Variants in MPND observed in about 807,000 individuals in gnomAD.
The protein encoded by MPND is MPN domain containing, also known as MPN domain-containing protein.
Under a neutral mutation model 59.2 loss-of-function variants are expected in MPND, and 56 were observed. That is an observed-to-expected ratio of 0.95 (90% confidence interval 0.76 to 1.18). MPND has a LOEUF of 1.18. Ranked by LOEUF, MPND falls within the 50% of genes most tolerant of loss-of-function variation. MPND has a pLI of 0.00. For missense variants in MPND, 671 were observed against 676.0 expected (o/e 0.99, Z 0.08); for synonymous variants, 323 against 291.9 (o/e 1.11, Z -1.09).
In MPND at chr19:4,348,897, T is replaced by C. The variant is rs142136634; in HGVS notation, c.531+2916T>C. 1,469 of 184,298 alleles carry C rather than the reference T, an allele frequency of 8.0e-3. 20 individuals carry two copies. The highest frequency in any genetic ancestry group is 0.033 in the African/African-American group (1,391 of 42,160). 11.4% of individuals were successfully genotyped at this position (184,298 alleles called of 1,614,324 possible). A position where few individuals can be genotyped will look rare whatever the true frequency, so the allele number is the denominator to read the frequency against. The stretch of plus-strand genomic sequence containing the variant: ...GTCTTGAACTCCTGACCTCGTGATC[T>C]ACCTGCCTCAGCCTCCCAAAGTGCT... On this transcript the variant is annotated intron_variant, in intron 3 of 12. Transcript: ENST00000599840.
intron 5 of MPND, 80 bp downstream of exon 5, chr19:4,354,209 G>A (rs529570283): frequency 1.1e-5 from 17 of 1,520,772 alleles, no homozygotes; most frequent in East Asian, 2.4e-5. Flanking sequence ...GGGCAGGGGT[G>A]GGGGGTGGGA....
intron 12 of MPND, 131 bp downstream of exon 12, chr19:4,359,386 C>T: frequency 3.1e-6 from 2 of 650,432 alleles, no homozygotes. Context: ...GACTGGTGAC[C>T]CTGGTCACCC....
intron 10 of MPND, 24 bp downstream of exon 10, chr19:4,357,609 C>A (rs1399544626): frequency 1.3e-6 from 2 of 1,593,540 alleles, no homozygotes; most frequent in Non-Finnish European, 8.6e-7. Flanking sequence ...TTGGGAGAGC[C>A]TGGGGGGCCC....
rs1972125327 is a variant in MPND, at chr19:4,343,856, A to T, written c.156A>T (p.Gly52=). The change falls in exon 2 of 13, where the codon GGA becomes GGT. Residue 52 remains glycine, a synonymous_variant. Transcript: ENST00000599840. ...GCGGCGGCAGTAGCGTCAGCGGAGG[A>T]GGCGGCGGCGGCGGGGCCGGGGCGG... The part of the protein sequence containing the change: ...SGGGGSSVSG[G]GGGGGAGAGG... 3 of 1,161,984 alleles carry T rather than the reference A, an allele frequency of 2.6e-6. No homozygotes were observed. Among genetic ancestry groups the T allele is most frequent in the Non-Finnish European group, 3.2e-6 (3 of 944,060 alleles). 72.0% of individuals were successfully genotyped at this position (1,161,984 alleles called of 1,614,324 possible).
chr19:4,357,145 T>G, intron 8 of MPND, 108 bp from the exon 9 acceptor site: 1 of 1,251,026 alleles, frequency 8.0e-7, no homozygotes, highest in Non-Finnish European at 1.1e-6. Flanking sequence ...CATCACTGTG[T>G]CCCCAGGCCT....
At position 4,350,582 on chromosome 19, in the gene MPND, G is replaced by T. The variant is rs1245167658; in HGVS notation, c.532-2315G>T. ...GCAGGTTCCAGGTATTTTTGGAAGT[G>T]TATCCGCCAGATTTGCTGATAGATC... is the stretch of plus-strand genomic sequence containing the variant. On this transcript the variant is annotated intron_variant, in intron 3 of 12. Transcript: ENST00000599840. Among the ~76,000 whole-genome samples, 3 of 152,186 alleles carry T rather than the reference G, an allele frequency of 2.0e-5. No homozygotes were observed. In the East Asian group the frequency reaches 5.8e-4, roughly 29 times the overall value.
In MPND at chr19:4,352,925, A is replaced by G; in HGVS notation, c.560A>G (p.Glu187Gly). The change falls in exon 4 of 13, where the codon GAG becomes GGG. Residue 187 changes from glutamate to glycine, a missense_variant. By Grantham distance (98) the Glu-to-Gly change is moderately conservative. Coordinates refer to ENST00000599840, the MANE Select transcript of MPND (RefSeq NM_001300862.2). ...ESPASEGEEE[E>G]LLMEEEEEDV... ...CCAGCCAGTGAAGGGGAGGAGGAGG[A>G]GTTGCTGATGGAAGAGGAGGAGGAG... The G allele has an allele frequency of 3.6e-6, 5 of 1,398,784 alleles. No individual in the cohort carries two copies. The highest frequency in any genetic ancestry group is 4.7e-6 in the Non-Finnish European group (5 of 1,067,342). 86.6% of individuals were successfully genotyped at this position (1,398,784 alleles called of 1,614,324 possible).
At chr19:4,354,261 G>T (rs766197111) in intron 5 of MPND, 63 bp from the exon 6 acceptor site, 1 of 1,510,510 alleles carries the variant, frequency 6.6e-7, no homozygotes, top group Non-Finnish European at 9.0e-7. Context: ...GGGGGAGTCA[G>T]TGTGGGGGCG....
intron 3 of MPND, among the ~76,000 whole-genome samples, chr19:4,352,195 G>T (rs1180115964): frequency 6.6e-6 from 1 of 151,676 alleles, no homozygotes; most frequent in South Asian, 2.1e-4. Context: ...AAAGATAAAA[G>T]AATAGATAGA....
In MPND at chr19:4,359,936, G is replaced by A. The variant is rs1285162693; in HGVS notation, c.1440G>A (p.Thr480=). The change falls in exon 13 of 13, where the codon ACG becomes ACA. Residue 480 remains threonine, a synonymous_variant. Coordinates refer to ENST00000599840, the MANE Select transcript of MPND (RefSeq NM_001300862.2). ...TTCAGATCTCCTTGGCCAGCAGGAC[G>A]CCCAAGGACCAGAGCCTGTGTCACG... is the stretch of plus-strand genomic sequence containing the variant. ...DKLKISLASR[T]PKDQSLCHVL... The A allele has an allele frequency of 1.3e-5, 21 of 1,572,374 alleles. No homozygotes were observed. The highest frequency in any genetic ancestry group is 1.2e-4 in the South Asian group (10 of 85,656).
At chr19:4,351,046 G>A (rs1169152793) in intron 3 of MPND, among the ~76,000 whole-genome samples, 2 of 152,124 alleles carry the variant, frequency 1.3e-5, no homozygotes, top group Non-Finnish European at 2.9e-5. Flanking sequence ...AGTGAGATGT[G>A]ACCCAGAGAG....
intron 4 of MPND, among the ~76,000 whole-genome samples, chr19:4,353,624 C>T (rs571878151): frequency 8.5e-5 from 13 of 152,094 alleles, no homozygotes; most frequent in Non-Finnish European, 1.6e-4. Flanking sequence ...TACAGTGGTG[C>T]AATCATGGCT....
chr19:4,351,592 G>A (rs927015999), intron 3 of MPND, among the ~76,000 whole-genome samples: 4 of 152,122 alleles, frequency 2.6e-5, no homozygotes, highest in African/African-American at 9.7e-5. Context: ...GCCGGGCACG[G>A]TGGCTCACGC....
At chr19:4,357,111 G>A (rs1051604472) in intron 8 of MPND, 142 bp from the exon 9 acceptor site, 20 of 765,802 alleles carry the variant, frequency 2.6e-5, no homozygotes, top group African/African-American at 3.6e-5. Flanking sequence ...ACTCAGTGGC[G>A]GTGGGGGCAG....
At chr19:4,345,654 C>A in intron 2 of MPND, 91 bp from the exon 3 acceptor site, 2 of 1,208,978 alleles carry the variant, frequency 1.7e-6, no homozygotes, top group African/African-American at 1.5e-5. Flanking sequence ...TAAAGACATG[C>A]CTGAGGGAGC....
intron 3 of MPND, among the ~76,000 whole-genome samples, chr19:4,350,343 T>C (rs1233178468): frequency 6.6e-6 from 1 of 151,880 alleles, no homozygotes; most frequent in Non-Finnish European, 1.5e-5. Flanking sequence ...ACTTGGGCTT[T>C]GACCGGGAGG....
chr19:4,357,103 T>C, intron 8 of MPND, 150 bp from the exon 9 acceptor site: 1 of 681,128 alleles, frequency 1.5e-6, no homozygotes, highest in South Asian at 3.5e-5. Context: ...CCCACTGGAC[T>C]CAGTGGCGGT....
intron 3 of MPND, among the ~76,000 whole-genome samples, chr19:4,350,939 G>A (rs1429831859): frequency 6.6e-6 from 1 of 152,126 alleles, no homozygotes; most frequent in Admixed American, 6.6e-5. Flanking sequence ...GAGGGAGCCA[G>A]GCGAGCGTGG....
chr19:4,343,842 AGCGTCAGCGGAGGAGGCG>A lies in MPND; in HGVS notation c.146_163del (p.Val49_Gly54del). The A allele has an allele frequency of 8.3e-7, 1 of 1,198,396 alleles. No homozygotes were observed. Among genetic ancestry groups the A allele is most frequent in the Non-Finnish European group, 1.0e-6 (1 of 967,932 alleles). 74.2% of individuals were successfully genotyped at this position (1,198,396 alleles called of 1,614,324 possible). A position where few individuals can be genotyped will look rare whatever the true frequency, so the allele number is the denominator to read the frequency against. ...TGGACGCAGTGGCGGCGGCGGCAGT[AGCGTCAGCGGAGGAGGCG>A]GCGGCGGCGGGGCCGGGGCGGGGGG... On this transcript the variant is annotated inframe_deletion, in exon 2 of 13. Transcript: ENST00000599840.
Sources: gnomAD v4.1 joint callset for allele counts (sites outside exome capture counted in the v4.1 genomes callset) on GRCh38, gnomAD v4.1.1 for gene constraint, MANE v1.5 for transcripts, NCBI Gene and HGNC (gene_info 2026-07-23, HGNC 2026-07-21) for gene names.